Variants in EDARADD observed in about 807,000 individuals in gnomAD.
The protein encoded by EDARADD is EDAR associated via death domain, also known as ectodysplasin-A receptor-associated adapter protein.
In EDARADD, 20 loss-of-function variants were observed where a neutral mutation model predicts 25.6. The ratio of observed to expected loss-of-function variants is 0.78; its 90% CI spans 0.55 to 1.14. The LOEUF (loss-of-function observed/expected upper bound fraction) is 1.14, where lower values mean the gene tolerates loss of function less well. EDARADD is among the 50% of genes most tolerant of loss of function. The probability of loss-of-function intolerance (pLI) is 0.00; values close to 1 mark genes in which losing one functional copy is unlikely to be tolerated. For synonymous variants in EDARADD, 86 were observed against 94.4 expected (o/e 0.91, Z 0.52); for missense variants, 225 against 270.1 (o/e 0.83, Z 1.17).
chr1:236,369,947 G>A (rs2463198), intron 3 of EDARADD, among the ~76,000 whole-genome samples: 44,789 of 151,968 alleles, frequency 0.29, 6,954 homozygotes, highest in African/African-American at 0.39. Flanking sequence ...CTTCTCTTTG[G>A]TATGTAAGTG....
At chr1:236,442,106 G>A (rs77617937) in intron 4 of EDARADD, among the ~76,000 whole-genome samples, 1,723 of 151,704 alleles carry the variant, frequency 0.011, 34 homozygotes, top group African/African-American at 0.039. Flanking sequence ...GGAAGAAGAC[G>A]CCATCTAGGA....
intron 1 of EDARADD, among the ~76,000 whole-genome samples, chr1:236,401,076 T>A (rs1667605723): frequency 2.0e-5 from 3 of 151,690 alleles, no homozygotes; most frequent in South Asian, 4.2e-4. Context: ...ATCTCAGCTA[T>A]ATGGGAGGCT....
chr1:236,351,014 C>G (rs560796703), intron 3 of EDARADD, among the ~76,000 whole-genome samples: 17 of 152,250 alleles, frequency 1.1e-4, no homozygotes, highest in Admixed American at 1.1e-3. Context: ...TAGTAGGTCC[C>G]TGCATTCCCA....
chr1:236,364,000 CA>C, intron 3 of EDARADD, among the ~76,000 whole-genome samples: 1 of 151,670 alleles, frequency 6.6e-6, no homozygotes, highest in South Asian at 2.1e-4. Context: ...ACTGTCTCTA[CA>C]AAAAATTAGC....
intron 4 of EDARADD, among the ~76,000 whole-genome samples, chr1:236,451,529 TCTC>T (rs1039969758): frequency 2.0e-5 from 3 of 152,110 alleles, no homozygotes; most frequent in East Asian, 1.9e-4. Flanking sequence ...TTCAAGGAAT[TCTC>T]CTGCTCCAGT....
Position 236,483,839 on chromosome 1 carries a change from G to C in EDARADD, c.*1190G>C. Reference sequence around the variant, plus strand: ...TCCTGGAGAATAAAGAAGGCCTGGAGCTGCTGAAGACTGCGATTGGGAAAG... The same window carrying C: ...TCCTGGAGAATAAAGAAGGCCTGGACCTGCTGAAGACTGCGATTGGGAAAG... On this transcript the variant is annotated 3_prime_UTR_variant, in exon 6 of 6. Transcript: ENST00000334232. 1.3e-5 allele frequency: 19 copies of C among 1,428,382 alleles called. No homozygotes were observed. Among genetic ancestry groups the C allele is most frequent in the Non-Finnish European group, 1.9e-5 (19 of 1,013,028 alleles). 88.5% of individuals were successfully genotyped at this position (1,428,382 alleles called of 1,614,324 possible).
At chr1:236,361,734 T>G (rs182379375) in intron 3 of EDARADD, among the ~76,000 whole-genome samples, 1 of 149,832 alleles carries the variant, frequency 6.7e-6, no homozygotes, top group Admixed American at 6.6e-5. Flanking sequence ...GTTGTTAGTA[T>G]CAGTGGTCCC....
chr1:236,391,259 C>A (rs548478664), upstream of EDARADD, among the ~76,000 whole-genome samples: 2 of 152,126 alleles, frequency 1.3e-5, no homozygotes, highest in African/African-American at 4.8e-5. Flanking sequence ...GGTGATGTCG[C>A]CACCACCTAA....
At chr1:236,405,875 T>C (rs368953802) in intron 1 of EDARADD, among the ~76,000 whole-genome samples, 1 of 29,648 alleles carries the variant, frequency 3.4e-5, no homozygotes, top group African/African-American at 1.1e-4. Flanking sequence ...CCTTCCTTCC[T>C]TCTTTCTTTC....
intron 2 of EDARADD, among the ~76,000 whole-genome samples, chr1:236,411,463 T>A (rs1657477834): frequency 6.6e-6 from 1 of 152,010 alleles, no homozygotes; most frequent in Non-Finnish European, 1.5e-5. Flanking sequence ...CACATGACCA[T>A]CTTCTCCCAG....
intron 4 of EDARADD, among the ~76,000 whole-genome samples, chr1:236,433,266 A>C (rs1406714992): frequency 6.6e-6 from 1 of 151,722 alleles, no homozygotes; most frequent in Non-Finnish European, 1.5e-5. Context: ...TTATAAAAAC[A>C]GCAAATAACC....
chr1:236,473,621 CAAAAAATCA>C (rs1196662916), intron 5 of EDARADD, among the ~76,000 whole-genome samples: 3 of 152,000 alleles, frequency 2.0e-5, no homozygotes, highest in Non-Finnish European at 4.4e-5. Context: ...CCATTTCTAC[CAAAAAATCA>C]AAAAATTAGC....
chr1:236,402,431 A>T (rs1667628972), intron 1 of EDARADD, among the ~76,000 whole-genome samples: 1 of 152,130 alleles, frequency 6.6e-6, no homozygotes, highest in Non-Finnish European at 1.5e-5. Context: ...GTGACAGCAC[A>T]TGTCTTTAGT....
At chr1:236,435,061 A>G (rs2103019671) in intron 4 of EDARADD, among the ~76,000 whole-genome samples, 1 of 152,270 alleles carries the variant, frequency 6.6e-6, no homozygotes, top group African/African-American at 2.4e-5. Context: ...CTGCTTGTGT[A>G]GATGACACAG....
chr1:236,414,220 G>A, intron 2 of EDARADD, 40 bp from the exon 3 acceptor site: 6 of 1,540,390 alleles, frequency 3.9e-6, no homozygotes, highest in Non-Finnish European at 5.4e-6. Context: ...ATCTTACATG[G>A]CATTTAAAAA....
intron 4 of EDARADD, among the ~76,000 whole-genome samples, chr1:236,429,202 G>GAGCGGT (rs1658026608): frequency 6.8e-6 from 1 of 146,890 alleles, no homozygotes; most frequent in African/African-American, 2.5e-5. Context: ...GAGGGAGCGG[G>GAGCGGT]AGCGGGAGAG....
intron 3 of EDARADD, among the ~76,000 whole-genome samples, chr1:236,424,464 G>A (rs909771754): frequency 6.6e-6 from 1 of 152,030 alleles, no homozygotes; most frequent in South Asian, 2.1e-4. Context: ...CACCCAACCT[G>A]TCTTCTCCTT....
intron 4 of EDARADD, among the ~76,000 whole-genome samples, chr1:236,456,207 C>T (rs989738498): frequency 2.6e-5 from 4 of 152,182 alleles, no homozygotes; most frequent in African/African-American, 9.7e-5. Flanking sequence ...CACTTGTTCT[C>T]TTCTGTGAAC....
At chr1:236,373,994 G>T (rs190475200) in intron 3 of EDARADD, among the ~76,000 whole-genome samples, 2 of 152,070 alleles carry the variant, frequency 1.3e-5, no homozygotes, top group East Asian at 3.9e-4. Context: ...TTTATTATTG[G>T]TTTCTAGTTT....
Sources: gnomAD v4.1 joint callset for allele counts (sites outside exome capture counted in the v4.1 genomes callset) on GRCh38, gnomAD v4.1.1 for gene constraint, MANE v1.5 for transcripts, NCBI Gene and HGNC (gene_info 2026-07-23, HGNC 2026-07-21) for gene names.